Variants in MCC observed in about 807,000 individuals in gnomAD.
MCC encodes the protein MCC regulator of Wnt signaling pathway.
A neutral mutation model predicts 116.2 loss-of-function variants in MCC; 90 were observed. The ratio of observed to expected loss-of-function variants is 0.77; its 90% CI spans 0.65 to 0.92. The LOEUF is 0.92. MCC is among the 40% of genes least tolerant of loss of function. The probability of loss-of-function intolerance (pLI) is 0.00; values close to 1 mark genes in which losing one functional copy is unlikely to be tolerated. For missense variants in MCC, 1,516 were observed against 1,312.2 expected (o/e 1.16, Z -2.40); for synonymous variants, 578 against 510.5 (o/e 1.13, Z -1.78).
At chr5:113,082,389 C>G (rs558933085) in intron 11 of MCC, among the ~76,000 whole-genome samples, 2 of 152,336 alleles carry the variant, frequency 1.3e-5, no homozygotes, top group Admixed American at 1.3e-4. Flanking sequence ...TTTCCAGTAG[C>G]TCCAAGTGCC....
rs532082883 is a variant in MCC at position 113,067,862 on chromosome 5, G to C, written c.2029+218C>G. Among the ~76,000 whole-genome samples, 4 of 152,356 alleles carry C rather than the reference G, an allele frequency of 2.6e-5. No individual in the cohort carries two copies. In the East Asian group the frequency reaches 7.7e-4, roughly 29 times the overall value. On this transcript the variant is annotated intron_variant, in intron 13 of 18. Transcript: ENST00000408903. ...GAGAATGCAGCTCCTAAGAAGTCTT[G>C]TTTGTTTTAACTTGTCTGTTATTCT...
chr5:113,030,428 C>T (rs749206403), intron 17 of MCC, among the ~76,000 whole-genome samples: 4 of 152,162 alleles, frequency 2.6e-5, no homozygotes, highest in Non-Finnish European at 5.9e-5. Flanking sequence ...CCTGTAATCT[C>T]AGCACTTTAG....
chr5:113,477,366 C>T (rs755731550), intron 1 of MCC, among the ~76,000 whole-genome samples: 34 of 152,104 alleles, frequency 2.2e-4, no homozygotes, highest in Non-Finnish European at 1.2e-4. Context: ...CAGTACAAAG[C>T]GAAAGAAGGT....
chr5:113,355,606 G>T (rs1722426099), intron 2 of MCC, among the ~76,000 whole-genome samples: 1 of 152,122 alleles, frequency 6.6e-6, no homozygotes, highest in African/African-American at 2.4e-5. Flanking sequence ...TGCCAGCATG[G>T]TAGGGTTCTG....
At chr5:113,317,344 A>G (rs1449400905) in intron 3 of MCC, among the ~76,000 whole-genome samples, 1 of 152,222 alleles carries the variant, frequency 6.6e-6, no homozygotes. Flanking sequence ...TTGGGTCCAC[A>G]TGGGGCTTGG....
At chr5:113,086,512 A>C (rs947801520) in intron 8 of MCC, among the ~76,000 whole-genome samples, 1 of 152,348 alleles carries the variant, frequency 6.6e-6, no homozygotes, top group South Asian at 2.1e-4. Context: ...TAGTCCTTCT[A>C]TATAAAAAAG....
intron 3 of MCC, among the ~76,000 whole-genome samples, chr5:113,211,002 T>C (rs1763115056): frequency 6.6e-6 from 1 of 152,114 alleles, no homozygotes; most frequent in Admixed American, 6.5e-5. Context: ...TTCTCACTGG[T>C]GTAATTAGTG....
chr5:113,171,334 A>G (rs1274393853), intron 3 of MCC, among the ~76,000 whole-genome samples: 2 of 151,130 alleles, frequency 1.3e-5, no homozygotes, highest in Non-Finnish European at 2.9e-5. Context: ...AAATGCACAG[A>G]GACAAGCAGA....
chr5:113,410,294 TATACAATGG>T (rs1402752968), intron 1 of MCC, among the ~76,000 whole-genome samples: 1 of 152,252 alleles, frequency 6.6e-6, no homozygotes, highest in African/African-American at 2.4e-5. Context: ...ATGTTGTATC[TATACAATGG>T]ATACAATGGA....
chr5:113,085,919 C>G (rs1035316702), intron 8 of MCC, among the ~76,000 whole-genome samples: 1 of 152,182 alleles, frequency 6.6e-6, no homozygotes, highest in African/African-American at 2.4e-5. Flanking sequence ...TGAACTCCTG[C>G]ACTCAAGCGA....
chr5:113,084,792 G>A (rs1267419692), intron 9 of MCC, among the ~76,000 whole-genome samples: 1 of 152,276 alleles, frequency 6.6e-6, no homozygotes, highest in African/African-American at 2.4e-5. Flanking sequence ...TGTGAGTGGG[G>A]AGATCATTGG....
chr5:113,385,839 G>A (rs568678429), intron 1 of MCC, among the ~76,000 whole-genome samples: 1 of 152,162 alleles, frequency 6.6e-6, no homozygotes, highest in Non-Finnish European at 1.5e-5. Flanking sequence ...AAATCTCAAT[G>A]TCTTCCAGGA....
chr5:113,244,552 A>C (rs1764499664), intron 3 of MCC, among the ~76,000 whole-genome samples: 1 of 152,226 alleles, frequency 6.6e-6, no homozygotes, highest in African/African-American at 2.4e-5. Flanking sequence ...ACATTTCTAA[A>C]TACAACATTT....
At chr5:113,129,612 G>A (rs78469527) in intron 5 of MCC, among the ~76,000 whole-genome samples, 6,717 of 152,192 alleles carry the variant, frequency 0.044, 247 homozygotes, top group East Asian at 0.11. Flanking sequence ...CATGCAAGCC[G>A]TCTTATGTCT....
At chr5:113,399,596 A>G (rs1221435554) in intron 1 of MCC, among the ~76,000 whole-genome samples, 1 of 152,204 alleles carries the variant, frequency 6.6e-6, no homozygotes, top group Non-Finnish European at 1.5e-5. Flanking sequence ...ACATAAAAAC[A>G]CTATTATAAA....
chr5:113,117,920 C>G (rs1375037874), intron 6 of MCC, among the ~76,000 whole-genome samples: 1 of 152,252 alleles, frequency 6.6e-6, no homozygotes. Context: ...ATTCCCCCAT[C>G]AGCCCTAGAG....
chr5:113,161,174 C>G (rs1760461321), intron 3 of MCC, among the ~76,000 whole-genome samples: 4 of 151,992 alleles, frequency 2.6e-5, no homozygotes, highest in Admixed American at 2.6e-4. Context: ...GAAACACAGA[C>G]AAAATAAAGA....
At chr5:113,091,989 T>C (rs1184340570) in intron 8 of MCC, among the ~76,000 whole-genome samples, 1 of 152,134 alleles carries the variant, frequency 6.6e-6, no homozygotes, top group East Asian at 1.9e-4. Context: ...TTCTGTTTCA[T>C]TCACTACTGC....
chr5:113,385,892 A>C (rs1356625378), intron 1 of MCC, among the ~76,000 whole-genome samples: 19 of 152,180 alleles, frequency 1.2e-4, no homozygotes, highest in Non-Finnish European at 2.9e-5. Context: ...ATCTAAGATA[A>C]GAGGGCTTGG....
Sources: gnomAD v4.1 joint callset for allele counts (sites outside exome capture counted in the v4.1 genomes callset) on GRCh38, gnomAD v4.1.1 for gene constraint, MANE v1.5 for transcripts, NCBI Gene and HGNC (gene_info 2026-07-23, HGNC 2026-07-21) for gene names.